JAKMIP1: variants seen among roughly 807,000 people sequenced by gnomAD.
JAKMIP1 encodes the protein janus kinase and microtubule-interacting protein 1.
In JAKMIP1, 33 loss-of-function variants were observed where a neutral mutation model predicts 113.0. The observed-to-expected ratio is 0.29, with a 90% CI of 0.22 to 0.39. JAKMIP1 has a LOEUF of 0.39. JAKMIP1 is among the 10% of genes least tolerant of loss of function. JAKMIP1 has a pLI of 1.00. For missense variants in JAKMIP1, 813 were observed against 1,080.5 expected (o/e 0.75, Z 3.47); for synonymous variants, 480 against 459.9 (o/e 1.04, Z -0.56).
chr4:6,089,397 C>G lies in JAKMIP1; in HGVS notation c.625-3768G>C, dbSNP rs1721725036. Among the ~76,000 whole-genome samples the G allele has an allele frequency of 6.6e-6, 1 of 152,214 alleles. No homozygotes were observed. The highest frequency in any genetic ancestry group is 1.5e-5 in the Non-Finnish European group (1 of 68,044). Reference sequence around the variant, plus strand: ...AAACTTGATGTTGGCTATCACTCCTCTCTTAATGCTAGCGTGAGCTAGGTA... The same window carrying G: ...AAACTTGATGTTGGCTATCACTCCTGTCTTAATGCTAGCGTGAGCTAGGTA... On this transcript the variant is annotated intron_variant, in intron 3 of 20. Transcript: ENST00000409021. This position sits in a 1 kb window ranked among gnomAD's most constrained non-coding sequence, Gnocchi z 5.3.
At chr4:6,190,204 G>A (rs993493046) in intron 1 of JAKMIP1, among the ~76,000 whole-genome samples, 4 of 45,720 alleles carry the variant, frequency 8.7e-5, no homozygotes, top group Non-Finnish European at 1.9e-4. Flanking sequence ...GCAGGCCATG[G>A]GGGGGGCTGC....
rs1264884061 is a variant in JAKMIP1, at chr4:6,139,071, CACACACACACACATAT to C, written c.-147-26090_-147-26075del. Reference sequence around the variant, plus strand: ...ATCATTAGAAACACACACACACACACACACACACACACATATACACACACACACACACACCAGCAGG... The same window carrying C: ...ATCATTAGAAACACACACACACACACACACACACACACACACACCAGCAGG... On this transcript the variant is annotated intron_variant, in intron 1 of 20. Transcript: ENST00000409021. This position sits in a 1 kb window ranked among gnomAD's most constrained non-coding sequence, Gnocchi z 5.2. Among the ~76,000 whole-genome samples, 1,177 of 149,632 alleles carry C rather than the reference CACACACACACACATAT, an allele frequency of 7.9e-3. 19 individuals carry two copies. Among genetic ancestry groups the C allele is most frequent in the African/African-American group, 0.028 (1,121 of 39,688 alleles).
chr4:6,029,213 A>G (rs1174097582), intron 20 of JAKMIP1, among the ~76,000 whole-genome samples: 2 of 152,218 alleles, frequency 1.3e-5, no homozygotes, highest in Non-Finnish European at 2.9e-5. Context: ...AATGGGCATC[A>G]TGGTAAATGG....
chr4:6,188,636 CTGGGGCACCTGAGGTT>C lies in JAKMIP1; in HGVS notation c.-148+11601_-148+11616del, dbSNP rs1726895898. On this transcript the variant is annotated intron_variant, in intron 1 of 20. Transcript: ENST00000409021. The surrounding 1 kb of genome is among the most constrained non-coding windows in gnomAD (Gnocchi z 5.8). Reference sequence around the variant, plus strand: ...AATTCCAAATTAGCAACTTATTAATCTGGGGCACCTGAGGTTTGGGGCACCTGCATCCCTCCCCCAT... The same window carrying C: ...AATTCCAAATTAGCAACTTATTAATCTGGGGCACCTGCATCCCTCCCCCAT... Among the ~76,000 whole-genome samples the C allele has an allele frequency of 6.6e-6, 1 of 152,304 alleles. No homozygotes were observed. The highest frequency in any genetic ancestry group is 2.4e-5 in the African/African-American group (1 of 41,574).
At chr4:6,119,840 G>GC (rs1356498746) in intron 1 of JAKMIP1, among the ~76,000 whole-genome samples, 3 of 152,220 alleles carry the variant, frequency 2.0e-5, no homozygotes, top group African/African-American at 7.2e-5. Flanking sequence ...GAAGTGAGTT[G>GC]CCCAAGATTG....
At chr4:6,054,686 G>A (rs983369801) in intron 12 of JAKMIP1, 9 of 455,180 alleles carry the variant, frequency 2.0e-5, no homozygotes, top group South Asian at 1.6e-5. Flanking sequence ...AAGTGACACC[G>A]CCTGCATCCC....
At chr4:6,084,811 C>T (rs372998902) in intron 5 of JAKMIP1, 35 bp downstream of exon 5, 30 of 1,603,204 alleles carry the variant, frequency 1.9e-5, no homozygotes, top group Non-Finnish European at 2.5e-5. Context: ...TCCTTGCACC[C>T]TATGAGGCAC....
chr4:6,037,101 G>A (rs1386820932), intron 18 of JAKMIP1, among the ~76,000 whole-genome samples: 1 of 147,740 alleles, frequency 6.8e-6, no homozygotes, highest in Non-Finnish European at 1.5e-5. Flanking sequence ...CATCACTGAG[G>A]CAGAGGCTAA....
rs1330586322 is a variant in JAKMIP1, at chr4:6,080,545, G to A, written c.1102-233C>T. On this transcript the variant is annotated intron_variant, in intron 6 of 20. Coordinates refer to ENST00000409021, the MANE Select transcript of JAKMIP1 (RefSeq NM_001099433.2). This position sits in a 1 kb window ranked among gnomAD's most constrained non-coding sequence, Gnocchi z 6.0. ...CCAGGTGGGAGATCATTGAATCATG[G>A]TGGCGGTTTCTCTCATACTATTCTC... 6.6e-6 allele frequency among the ~76,000 whole-genome samples: 1 copy of A among 152,168 alleles called. No individual in the cohort carries two copies. Among genetic ancestry groups the A allele is most frequent in the Non-Finnish European group, 1.5e-5 (1 of 68,034 alleles).
Position 6,026,261 on chromosome 4 carries a change from CA to C in JAKMIP1, c.2462del (p.Leu821CysfsTer5). 1.9e-5 allele frequency: 29 copies of C among 1,505,402 alleles called. No homozygotes were observed. The highest frequency in any genetic ancestry group is 4.2e-5 in the Admixed American group (2 of 47,752). The allele number at this position is 1,505,402 out of a possible 1,614,324, so 93.3% of individuals were successfully genotyped here. A position where few individuals can be genotyped will look rare whatever the true frequency, so the allele number is the denominator to read the frequency against. ...ACAGAATGAATGCTAGTGAGAAAAA[CA>C]AAAAAAGGAACAAAAACTATAAAAT... ...ELEEKFLFLFLFFSLAFILWP is the reference protein window; with the variant it reads ...ELEEKFLFLFXFFSLAFILWP On this transcript the variant is annotated frameshift_variant, in exon 21 of 21. Coordinates refer to ENST00000409021, the MANE Select transcript of JAKMIP1 (RefSeq NM_001099433.2). LOFTEE classifies it high-confidence loss of function.
chr4:6,096,207 A>G (rs1250240878), intron 3 of JAKMIP1, among the ~76,000 whole-genome samples: 1 of 152,236 alleles, frequency 6.6e-6, no homozygotes, highest in East Asian at 1.9e-4. Flanking sequence ...CCTTTAAAAA[A>G]AAATCCTGGC....
rs78472222 is a variant in JAKMIP1 at position 6,185,182 on chromosome 4, C to T, written c.-148+15071G>A. On this transcript the variant is annotated intron_variant, in intron 1 of 20. Transcript: ENST00000409021. This position sits in a 1 kb window ranked among gnomAD's most constrained non-coding sequence, Gnocchi z 5.3. ...CAGATGGCCTAATGTGGGGCTTCAC[C>T]TTGTGATCTTGTGAGTCAATTATCC... Among the ~76,000 whole-genome samples, 765 of 152,324 alleles carry T rather than the reference C, an allele frequency of 5.0e-3. 5 individuals carry two copies. The highest frequency in any genetic ancestry group is 0.016 in the South Asian group (75 of 4,822).
chr4:6,168,322 C>A lies in JAKMIP1; in HGVS notation c.-148+31931G>T, dbSNP rs1723913227. ...TGAAAGATGGGAAAACATATGTGCA[C>A]ACAAAAACATGTACACAAACATTCA... On this transcript the variant is annotated intron_variant, in intron 1 of 20. Transcript: ENST00000409021. This position sits in a 1 kb window ranked among gnomAD's most constrained non-coding sequence, Gnocchi z 4.6. Among the ~76,000 whole-genome samples the A allele has an allele frequency of 6.6e-6, 1 of 152,180 alleles. No individual in the cohort carries two copies. The highest frequency in any genetic ancestry group is 1.5e-5 in the Non-Finnish European group (1 of 68,036).
Position 6,113,040 on chromosome 4 carries a change from G to T in JAKMIP1, c.-147-43C>A, listed in dbSNP as rs562281480. Reference sequence around the variant, plus strand: ...ACTGAGTTAGCAGAGACAGAAGGGTGGGGAGCTGGTGTCCCTGCCTCGGGC... The same window carrying T: ...ACTGAGTTAGCAGAGACAGAAGGGTTGGGAGCTGGTGTCCCTGCCTCGGGC... On this transcript the variant is annotated intron_variant, in intron 1 of 20. Transcript: ENST00000409021. 644 of 918,436 alleles carry T rather than the reference G, an allele frequency of 7.0e-4. 2 individuals carry two copies. The highest frequency in any genetic ancestry group is 1.2e-3 in the Admixed American group (39 of 32,422). The allele number at this position is 918,436 out of a possible 1,614,324, so 56.9% of individuals were successfully genotyped here. A position where few individuals can be genotyped will look rare whatever the true frequency, so the allele number is the denominator to read the frequency against.
rs2109037642 is a variant in JAKMIP1, at chr4:6,179,409, A to G, written c.-148+20844T>C. Among the ~76,000 whole-genome samples, 1 of 152,288 alleles carries G rather than the reference A, an allele frequency of 6.6e-6. No homozygotes were observed. The highest frequency in any genetic ancestry group is 2.1e-4 in the South Asian group (1 of 4,820). ...CAAGAGGCAGACTGGATGGAACAGG[A>G]CAGGAAGGCTGAGCCCCACACAGGG... On this transcript the variant is annotated intron_variant, in intron 1 of 20. Coordinates refer to ENST00000409021, the MANE Select transcript of JAKMIP1 (RefSeq NM_001099433.2). This position sits in a 1 kb window ranked among gnomAD's most constrained non-coding sequence, Gnocchi z 4.5.
rs1467228603 is a variant in JAKMIP1, at chr4:6,093,892, C to T, written c.625-8263G>A. Among the ~76,000 whole-genome samples the T allele has an allele frequency of 6.6e-6, 1 of 152,046 alleles. No individual in the cohort carries two copies. Among genetic ancestry groups the T allele is most frequent in the African/African-American group, 2.4e-5 (1 of 41,392 alleles). On this transcript the variant is annotated intron_variant, in intron 3 of 20. Transcript: ENST00000409021. The surrounding 1 kb of genome is among the most constrained non-coding windows in gnomAD (Gnocchi z 4.6). ...GTCTGGTCAACCTGTGTGCAGGGCT[C>T]CAGAGTCCCACCTGCCCAGGAGGCT... is the stretch of plus-strand genomic sequence containing the variant.
At chr4:6,170,289 TCACTGTCAA>T (rs1724296693) in intron 1 of JAKMIP1, among the ~76,000 whole-genome samples, 2 of 69,694 alleles carry the variant, frequency 2.9e-5, no homozygotes, top group Middle Eastern at 0.012. Flanking sequence ...ACCACCACCA[TCACTGTCAA>T]CACCATCATA....
At position 6,077,956 on chromosome 4, in the gene JAKMIP1, C is replaced by A. The variant is rs143752047; in HGVS notation, c.1302+983G>T. On this transcript the variant is annotated intron_variant, in intron 8 of 20. Coordinates refer to ENST00000409021, the MANE Select transcript of JAKMIP1 (RefSeq NM_001099433.2). ...CCAGTTTGCCACAGTCCCCACCATT[C>A]CCTGTTGTCACCCTGACACCAAGAC... 3.6e-3 allele frequency among the ~76,000 whole-genome samples: 555 copies of A among 152,280 alleles called. 7 individuals carry two copies. The highest frequency in any genetic ancestry group is 0.013 in the African/African-American group (535 of 41,548).
intron 2 of JAKMIP1, among the ~76,000 whole-genome samples, chr4:6,111,615 T>A (rs1714945332): frequency 6.6e-6 from 1 of 152,248 alleles, no homozygotes; most frequent in Non-Finnish European, 1.5e-5. Flanking sequence ...TTTAGTCACC[T>A]GGCCAAGATC....
Sources: allele counts gnomAD v4.1 joint callset (sites outside exome capture counted in the v4.1 genomes callset), GRCh38; gene constraint gnomAD v4.1.1; non-coding constraint Gnocchi (gnomAD v3.1); transcripts MANE v1.5; gene names NCBI Gene and HGNC (gene_info 2026-07-23, HGNC 2026-07-21).